Variants in PIGL observed in about 807,000 individuals in gnomAD.
PIGL encodes phosphatidylinositol glycan anchor biosynthesis class L.
In PIGL, 22 loss-of-function variants were observed where a neutral mutation model predicts 31.1. The ratio of observed to expected loss-of-function variants is 0.71; its 90% confidence interval spans 0.51 to 1.01. The LOEUF (loss-of-function observed/expected upper bound fraction) is 1.01, where lower values mean the gene tolerates loss of function less well. Ranked by LOEUF, PIGL falls within the 50% of genes least tolerant of loss-of-function variation. The pLI is 0.00. For synonymous variants in PIGL, 131 were observed against 117.4 expected, an observed-to-expected ratio of 1.12 and a Z score of -0.75; for missense variants, 302 against 315.9, an observed-to-expected ratio of 0.96 and a Z score of 0.33.
intron 2 of PIGL, among the ~76,000 whole-genome samples, chr17:16,280,450 G>T (rs1456431100): frequency 6.6e-6 from 1 of 152,170 alleles, no homozygotes; most frequent in Non-Finnish European, 1.5e-5. Flanking sequence ...CTTACATACA[G>T]TATTGGGTCA....
intron 2 of PIGL, among the ~76,000 whole-genome samples, chr17:16,269,512 G>A (rs1401311516): frequency 1.3e-5 from 2 of 152,112 alleles, no homozygotes; most frequent in Non-Finnish European, 2.9e-5. Context: ...TTAGCTGGGT[G>A]TGTTGGCATG....
rs142998773 is a variant in PIGL at position 16,288,125 on chromosome 17, C to G, written c.336-11763C>G. ...CATTTATTTGATTCTTTCTGAGAAG[C>G]AGAAGGAATATATGTTGGCCGTTTG... On this transcript the variant is annotated intron_variant, in intron 2 of 6. Transcript: ENST00000225609. 9.8e-5 allele frequency among the ~76,000 whole-genome samples: 15 copies of G among 152,362 alleles called. No homozygotes were observed. In the East Asian group the frequency reaches 2.7e-3, roughly 27 times the overall value.
chr17:16,284,413 T>C (rs894551052), intron 2 of PIGL, among the ~76,000 whole-genome samples: 1 of 152,162 alleles, frequency 6.6e-6, no homozygotes, highest in Non-Finnish European at 1.5e-5. Flanking sequence ...CAGCCCCTTC[T>C]CAAAACAAAT....
At chr17:16,284,916 G>A (rs980318682) in intron 2 of PIGL, among the ~76,000 whole-genome samples, 56 of 152,062 alleles carry the variant, frequency 3.7e-4, no homozygotes, top group Admixed American at 3.7e-3. Flanking sequence ...TTGATAAATC[G>A]ACTCTGTCTA....
rs948219305 is a variant in PIGL, at chr17:16,252,378, C to T, written c.335+18308C>T. Among the ~76,000 whole-genome samples, 25 of 151,976 alleles carry T rather than the reference C, an allele frequency of 1.6e-4. 1 individual carries two copies. The highest frequency in any genetic ancestry group is 6.0e-4 in the African/African-American group (25 of 41,488). ...TGAGCCACCCCACCCGGCCTCTTTT[C>T]CTTTTTTAAATAGAACTAAGACAAG... On this transcript the variant is annotated intron_variant, in intron 2 of 6. Coordinates refer to ENST00000225609, the MANE Select transcript of PIGL (RefSeq NM_004278.4).
intron 2 of PIGL, among the ~76,000 whole-genome samples, chr17:16,286,892 C>T (rs977981520): frequency 1.2e-4 from 19 of 152,202 alleles, no homozygotes; most frequent in African/African-American, 3.9e-4. Flanking sequence ...CCCATCTCTC[C>T]TTCCCGCAGC....
intron 2 of PIGL, among the ~76,000 whole-genome samples, chr17:16,266,524 C>G (rs1452823561): frequency 1.3e-5 from 2 of 152,040 alleles, no homozygotes; most frequent in Non-Finnish European, 2.9e-5. Context: ...TCACCAGCCT[C>G]TTATGTTGAC....
rs559011943 is a variant in PIGL at position 16,290,096 on chromosome 17, T to A, written c.336-9792T>A. Among the ~76,000 whole-genome samples, 247 of 151,402 alleles carry A rather than the reference T, an allele frequency of 1.6e-3. 2 individuals carry two copies. The highest frequency in any genetic ancestry group is 3.4e-3 in the Middle Eastern group (1 of 290). On this transcript the variant is annotated intron_variant, in intron 2 of 6. Coordinates refer to ENST00000225609, the MANE Select transcript of PIGL (RefSeq NM_004278.4). ...CGGCCTTCTTTTTTTTCTCTTTTTT[T>A]TAATTTTTTTTTTTTGAGACGGAGA...
At position 16,312,282 on chromosome 17, in the gene PIGL, G is replaced by A. The variant is rs535115235; in HGVS notation, c.427-1265G>A. ...AGAGACGCTCCTCACCTCCCAGACG[G>A]GGGTCGCGGCCGGGCAGAGGCGCTC... On this transcript the variant is annotated intron_variant, in intron 3 of 6. Coordinates refer to ENST00000225609, the MANE Select transcript of PIGL (RefSeq NM_004278.4). 28 of 160,978 alleles carry A rather than the reference G, an allele frequency of 1.7e-4. No individual in the cohort carries two copies. The East Asian group carries it at 4.9e-3, about 28-fold the overall frequency. 10.0% of individuals were successfully genotyped at this position (160,978 alleles called of 1,614,324 possible).
intron 2 of PIGL, among the ~76,000 whole-genome samples, chr17:16,298,134 G>C (rs2142832099): frequency 6.6e-6 from 1 of 152,254 alleles, no homozygotes; most frequent in African/African-American, 2.4e-5. Context: ...GGGGACCACT[G>C]CCATAAGGGG....
intron 2 of PIGL, among the ~76,000 whole-genome samples, chr17:16,276,902 C>T (rs2092898433): frequency 6.6e-6 from 1 of 152,176 alleles, no homozygotes; most frequent in South Asian, 2.1e-4. Flanking sequence ...AGTGCAGCAA[C>T]AATAATTATT....
chr17:16,278,409 A>C (rs908887057), intron 2 of PIGL, among the ~76,000 whole-genome samples: 3 of 152,180 alleles, frequency 2.0e-5, no homozygotes, highest in African/African-American at 7.2e-5. Context: ...TTCTTAATAA[A>C]ACTTTATAGA....
chr17:16,273,125 C>G (rs1358444610), intron 2 of PIGL, among the ~76,000 whole-genome samples: 2 of 152,182 alleles, frequency 1.3e-5, no homozygotes, highest in Non-Finnish European at 2.9e-5. Flanking sequence ...AAGTCAAGTC[C>G]TTGCCCTCAA....
At chr17:16,267,944 G>A (rs1486597329) in intron 2 of PIGL, among the ~76,000 whole-genome samples, 1 of 152,156 alleles carries the variant, frequency 6.6e-6, no homozygotes, top group Non-Finnish European at 1.5e-5. Flanking sequence ...GGCAAGAGCA[G>A]ACAAAGAGCA....
At chr17:16,220,477 G>GTTTTTT (rs1171079537) in intron 1 of PIGL, among the ~76,000 whole-genome samples, 2 of 70,052 alleles carry the variant, frequency 2.9e-5, no homozygotes, top group African/African-American at 1.0e-4. Context: ...TTTTTAAATT[G>GTTTTTT]TTATTTTTTT....
intron 4 of PIGL, among the ~76,000 whole-genome samples, chr17:16,316,095 A>G (rs2093075909): frequency 6.6e-6 from 1 of 152,104 alleles, no homozygotes; most frequent in Admixed American, 6.6e-5. Context: ...CCTGCTCCCA[A>G]GAGTCTCTGT....
rs915320723 is a variant in PIGL, at chr17:16,245,704, A to G, written c.335+11634A>G. ...AGGTGTGAGCCACTATGCCTGGCCT[A>G]TATATATATACACACATATATATAT... On this transcript the variant is annotated intron_variant, in intron 2 of 6. Transcript: ENST00000225609. Among the ~76,000 whole-genome samples the G allele has an allele frequency of 2.0e-5, 3 of 150,864 alleles. No individual in the cohort carries two copies. The Admixed American group carries it at 2.0e-4, about 10-fold the overall frequency.
chr17:16,276,455 G>A (rs1030383866), intron 2 of PIGL, among the ~76,000 whole-genome samples: 6 of 152,210 alleles, frequency 3.9e-5, no homozygotes, highest in South Asian at 2.1e-4. Context: ...GACTCTGGCC[G>A]GGTGTGGTGG....
At chr17:16,264,435 C>T (rs1173291362) in intron 2 of PIGL, among the ~76,000 whole-genome samples, 6 of 151,824 alleles carry the variant, frequency 4.0e-5, no homozygotes, top group Non-Finnish European at 5.9e-5. Context: ...TGTGAACCAC[C>T]ACACATGGCC....
Sources: allele counts gnomAD v4.1 joint callset (sites outside exome capture counted in the v4.1 genomes callset), GRCh38; gene constraint gnomAD v4.1.1; transcripts MANE v1.5; gene names NCBI Gene and HGNC (gene_info 2026-07-23, HGNC 2026-07-21).